Variants in TMEM117 observed in about 807,000 individuals in gnomAD.
TMEM117 encodes the protein transmembrane protein 117.
TMEM117 carries 27 observed loss-of-function variants against 52.4 expected under a neutral mutation model. The observed-to-expected ratio is 0.51, with a 90% CI of 0.38 to 0.71. TMEM117 has a LOEUF of 0.71. TMEM117 is among the 30% of genes least tolerant of loss of function. TMEM117 has a pLI of 0.00. For synonymous variants in TMEM117, 215 were observed against 206.3 expected (o/e 1.04, Z -0.36); for missense variants, 556 against 630.5 (o/e 0.88, Z 1.26).
intron 6 of TMEM117, among the ~76,000 whole-genome samples, chr12:44,317,661 T>G (rs1202505688): frequency 3.3e-5 from 5 of 152,170 alleles, no homozygotes; most frequent in Non-Finnish European, 7.4e-5. Context: ...TTGGCTTTGC[T>G]TCTATAGCCC....
intron 4 of TMEM117, among the ~76,000 whole-genome samples, chr12:44,178,676 A>C (rs953134758): frequency 6.6e-6 from 1 of 152,332 alleles, no homozygotes; most frequent in Middle Eastern, 3.4e-3. Context: ...TCTATTATGT[A>C]AAAGATACAA....
At chr12:44,100,796 C>T (rs552650434) in intron 3 of TMEM117, among the ~76,000 whole-genome samples, 2 of 152,058 alleles carry the variant, frequency 1.3e-5, no homozygotes, top group African/African-American at 2.4e-5. Flanking sequence ...ACTTCAGAGC[C>T]GTTACTGGTG....
chr12:44,268,301 C>G (rs941710959), intron 5 of TMEM117, among the ~76,000 whole-genome samples: 1 of 151,848 alleles, frequency 6.6e-6, no homozygotes, highest in Non-Finnish European at 1.5e-5. Flanking sequence ...CCATGCCTGG[C>G]TAATTTTTTT....
At chr12:44,393,381 C>T (rs1952169474), downstream of TMEM117, among the ~76,000 whole-genome samples, 1 of 150,604 alleles carries the variant, frequency 6.6e-6, no homozygotes, top group Non-Finnish European at 1.5e-5. Flanking sequence ...GCTTAATTCT[C>T]ATATTAATGA....
At chr12:44,065,338 A>T (rs970162120) in intron 3 of TMEM117, among the ~76,000 whole-genome samples, 6 of 151,926 alleles carry the variant, frequency 3.9e-5, no homozygotes, top group Admixed American at 1.3e-4. Flanking sequence ...CAGTGAGCCG[A>T]GATCACACCA....
At chr12:43,985,446 A>G (rs1225868195) in intron 3 of TMEM117, among the ~76,000 whole-genome samples, 2 of 152,184 alleles carry the variant, frequency 1.3e-5, no homozygotes, top group Non-Finnish European at 2.9e-5. Context: ...GTTATTTATC[A>G]TTGTATATTT....
At chr12:43,936,135 A>G (rs578249489) in intron 2 of TMEM117, among the ~76,000 whole-genome samples, 8 of 151,896 alleles carry the variant, frequency 5.3e-5, no homozygotes, top group Middle Eastern at 3.4e-3. Context: ...AGTCAGATCT[A>G]TTGGCTCTGT....
In TMEM117 at chr12:44,283,080, A is replaced by G. The variant is rs184851895; in HGVS notation, c.609-16500A>G. Among the ~76,000 whole-genome samples, 161 of 152,352 alleles carry G rather than the reference A, an allele frequency of 1.1e-3. 1 individual carries two copies. In the South Asian group the frequency reaches 0.028, roughly 27 times the overall value. On this transcript the variant is annotated intron_variant, in intron 5 of 7. Transcript: ENST00000266534. ...AGAAGTCAAGAATTGAGGTTTGGGA[A>G]ACTCCGCCTAGATTTCAGAAGATGT... is the stretch of plus-strand genomic sequence containing the variant.
intron 3 of TMEM117, among the ~76,000 whole-genome samples, chr12:44,062,152 T>G (rs71455471): frequency 1.3e-5 from 2 of 152,224 alleles, no homozygotes; most frequent in Non-Finnish European, 2.9e-5. Flanking sequence ...ACCATCTGAC[T>G]GAACAATGAA....
intron 3 of TMEM117, among the ~76,000 whole-genome samples, chr12:44,000,117 C>T (rs551199868): frequency 2.0e-5 from 3 of 152,282 alleles, no homozygotes; most frequent in African/African-American, 7.2e-5. Context: ...AGCCTTTCCT[C>T]CTTTCCTGGG....
intron 3 of TMEM117, among the ~76,000 whole-genome samples, chr12:44,033,985 G>A (rs1372866649): frequency 6.6e-6 from 1 of 152,114 alleles, no homozygotes; most frequent in Non-Finnish European, 1.5e-5. Context: ...TCTTGTGATT[G>A]TTGTCTACCT....
Position 44,111,676 on chromosome 12 carries a change from A to C in TMEM117, c.411-31849A>C, listed in dbSNP as rs1197202228. ...TGTGGTGTGGTGCTGAGAAAAATGT[A>C]TATTCTGTTGATTTGGGGTGGAGAG... On this transcript the variant is annotated intron_variant, in intron 3 of 7. Transcript: ENST00000266534. Among the ~76,000 whole-genome samples the C allele has an allele frequency of 5.4e-3, 752 of 138,060 alleles. 3 individuals carry two copies. Among genetic ancestry groups the C allele is most frequent in the Non-Finnish European group, 7.9e-3 (522 of 65,844 alleles). The allele number at this position is 138,060 out of a possible 152,430, so 90.6% of individuals were successfully genotyped here.
At chr12:44,214,160 TTTTTA>T (rs1949685482) in intron 5 of TMEM117, among the ~76,000 whole-genome samples, 4 of 138,912 alleles carry the variant, frequency 2.9e-5, no homozygotes, top group Admixed American at 7.0e-5. Context: ...TTTTTTTTTT[TTTTTA>T]AGACAGAATC....
chr12:44,126,824 T>G (rs959706355), intron 3 of TMEM117, among the ~76,000 whole-genome samples: 1 of 152,352 alleles, frequency 6.6e-6, no homozygotes, highest in Non-Finnish European at 1.5e-5. Flanking sequence ...TTACCTGTTA[T>G]CTGCAGCTGT....
chr12:43,912,331 G>A (rs7973886), intron 2 of TMEM117, among the ~76,000 whole-genome samples: 99,803 of 144,704 alleles, frequency 0.69, 38,642 homozygotes, highest in East Asian at 0.86. Flanking sequence ...GGAACATCAC[G>A]CTCTGGGGAC....
intron 6 of TMEM117, among the ~76,000 whole-genome samples, chr12:44,313,515 G>A (rs1289709138): frequency 6.6e-6 from 1 of 152,192 alleles, no homozygotes; most frequent in Non-Finnish European, 1.5e-5. Context: ...CTGTAGCCAT[G>A]TAGTGTAGTT....
chr12:44,338,477 C>G (rs963435508), intron 6 of TMEM117, among the ~76,000 whole-genome samples: 1 of 151,900 alleles, frequency 6.6e-6, no homozygotes, highest in African/African-American at 2.4e-5. Context: ...CACATACGCA[C>G]ATACACACAC....
At chr12:44,206,945 A>G (rs899337826) in intron 4 of TMEM117, among the ~76,000 whole-genome samples, 2 of 152,306 alleles carry the variant, frequency 1.3e-5, no homozygotes, top group East Asian at 3.9e-4. Flanking sequence ...ACAAACCTGC[A>G]CATGTACTCC....
At chr12:44,008,279 G>A (rs1374234674) in intron 3 of TMEM117, among the ~76,000 whole-genome samples, 1 of 152,136 alleles carries the variant, frequency 6.6e-6, no homozygotes, top group African/African-American at 2.4e-5. Context: ...TAAAGAATGA[G>A]TCTTGACTGT....
Sources: gnomAD v4.1 joint callset for allele counts (sites outside exome capture counted in the v4.1 genomes callset) on GRCh38, gnomAD v4.1.1 for gene constraint, MANE v1.5 for transcripts, NCBI Gene and HGNC (gene_info 2026-07-23, HGNC 2026-07-21) for gene names.